The following DNAJC6 variants were observed in gnomAD, a reference collection of about 807,000 sequenced individuals.
DNAJC6 encodes auxilin.
DNAJC6 carries 34 observed loss-of-function variants against 110.0 expected under a neutral mutation model. The observed-to-expected ratio is 0.31, with a 90% CI of 0.24 to 0.41. The LOEUF (loss-of-function observed/expected upper bound fraction) is 0.41, where lower values mean the gene tolerates loss of function less well. DNAJC6 is among the 10% of genes least tolerant of loss of function. The pLI is 1.00. For missense variants in DNAJC6, 1,031 were observed against 1,207.8 expected (o/e 0.85, Z 2.17); for synonymous variants, 406 against 437.2 (o/e 0.93, Z 0.89).
chr1:65,341,080 G>A (rs931549094), intron 1 of DNAJC6, among the ~76,000 whole-genome samples: 4 of 152,080 alleles, frequency 2.6e-5, no homozygotes, highest in African/African-American at 9.7e-5. Context: ...CTACTAACTG[G>A]GACTGATAGC....
At chr1:65,407,221 ATTAC>A (rs1476889025) in intron 16 of DNAJC6, among the ~76,000 whole-genome samples, 2 of 152,122 alleles carry the variant, frequency 1.3e-5, no homozygotes, top group African/African-American at 4.8e-5. Flanking sequence ...CTACCCACCC[ATTAC>A]TTACTTAGTA....
chr1:65,405,151 G>A (rs1646063344), intron 15 of DNAJC6, among the ~76,000 whole-genome samples: 1 of 152,178 alleles, frequency 6.6e-6, no homozygotes, highest in Non-Finnish European at 1.5e-5. Flanking sequence ...GTGCTTAAAA[G>A]TTTGGAGATT....
chr1:65,317,095 G>A (rs993671482), intron 1 of DNAJC6, among the ~76,000 whole-genome samples: 1 of 151,884 alleles, frequency 6.6e-6, no homozygotes, highest in Non-Finnish European at 1.5e-5. Flanking sequence ...ATCATCTTTG[G>A]CCGTCTGCAG....
At chr1:65,298,278 G>A (rs960278560) in intron 1 of DNAJC6, among the ~76,000 whole-genome samples, 1 of 152,136 alleles carries the variant, frequency 6.6e-6, no homozygotes, top group Non-Finnish European at 1.5e-5. Flanking sequence ...ACTAGTACTT[G>A]AAAATGAGGC....
intron 1 of DNAJC6, among the ~76,000 whole-genome samples, chr1:65,280,170 A>G (rs1005908954): frequency 5.3e-5 from 8 of 152,200 alleles, no homozygotes; most frequent in African/African-American, 1.9e-4. Context: ...ATATACTCTT[A>G]AAAGGAAATT....
rs868449892 is a variant in DNAJC6 at position 65,358,181 on chromosome 1, A to G, written c.194-6454A>G. 8.0e-5 allele frequency among the ~76,000 whole-genome samples: 12 copies of G among 149,292 alleles called. No individual in the cohort carries two copies. The East Asian group carries it at 1.6e-3, about 19-fold the overall frequency. ...GCGATAGAGCGAGACTCAGTCTCAA[A>G]AAAAAAAAAAAAAAAAAAACAAAAC... On this transcript the variant is annotated intron_variant, in intron 1 of 18. Transcript: ENST00000371069.
upstream of DNAJC6, chr1:65,306,341 C>T (rs1435505433): frequency 6.6e-6 from 1 of 152,190 alleles, no homozygotes; most frequent in African/African-American, 2.4e-5. Flanking sequence ...GCCACCACAC[C>T]TGGCTGGCAA....
In DNAJC6 at chr1:65,412,940, A is replaced by C. The variant is rs368437431; in HGVS notation, c.2828A>C (p.Tyr943Ser). The C allele has an allele frequency of 2.5e-6, 4 of 1,614,058 alleles. No homozygotes were observed. The South Asian group carries it at 3.3e-5, about 13-fold the overall frequency. The change falls in exon 19 of 19, where the codon TAT (tyrosine) becomes TCT (serine). Residue 943 changes from tyrosine to serine, a missense_variant. Tyr to Ser is a moderately radical substitution (Grantham distance 144). Coordinates refer to ENST00000371069, the MANE Select transcript of DNAJC6 (RefSeq NM_001256864.2). ...VHPDKATGQP[Y>S]EQYAKMIFME... ...TCTCTACAGGCTACTGGGCAACCCT[A>C]TGAACAATACGCAAAGATGATTTTC...
intron 4 of DNAJC6, among the ~76,000 whole-genome samples, chr1:65,374,220 C>A: frequency 6.6e-6 from 1 of 152,022 alleles, no homozygotes; most frequent in African/African-American, 2.4e-5. Context: ...GATGTGATGC[C>A]TCTAACTTTG....
chr1:65,266,708 C>G (rs1435453017), intron 1 of DNAJC6, among the ~76,000 whole-genome samples: 2 of 151,874 alleles, frequency 1.3e-5, no homozygotes, highest in Non-Finnish European at 2.9e-5. Flanking sequence ...AAAAAAATTG[C>G]TTATTTGCCA....
intron 12 of DNAJC6, 108 bp downstream of exon 12, chr1:65,392,973 G>C (rs1645943717): frequency 9.2e-7 from 1 of 1,082,566 alleles, no homozygotes; most frequent in Non-Finnish European, 1.2e-6. Context: ...TGATTTCACT[G>C]TAAGTCCTTT....
intron 18 of DNAJC6, 86 bp from the exon 19 acceptor site, chr1:65,412,838 A>C: frequency 9.1e-7 from 1 of 1,099,460 alleles, no homozygotes; most frequent in Non-Finnish European, 1.4e-6. Context: ...TCCATTGCTT[A>C]GAGCCCATAT....
chr1:65,379,322 A>G, intron 4 of DNAJC6, 80 bp from the exon 5 acceptor site: 3 of 1,553,526 alleles, frequency 1.9e-6, no homozygotes, highest in Middle Eastern at 3.4e-4. Flanking sequence ...CACTTCCAGA[A>G]GATGTTGGTT....
chr1:65,372,725 T>C (rs531997078), intron 4 of DNAJC6, among the ~76,000 whole-genome samples: 5 of 152,246 alleles, frequency 3.3e-5, no homozygotes, highest in South Asian at 2.1e-4. Context: ...GATTTAACCA[T>C]GTTGTTCTAC....
intron 1 of DNAJC6, among the ~76,000 whole-genome samples, chr1:65,291,838 A>G (rs1185342437): frequency 6.6e-6 from 1 of 152,206 alleles, no homozygotes; most frequent in African/African-American, 2.4e-5. Context: ...ACTAGTGGAT[A>G]GTGGAGTGAG....
intron 1 of DNAJC6, among the ~76,000 whole-genome samples, chr1:65,282,655 T>C (rs1188176106): frequency 6.6e-6 from 1 of 152,210 alleles, no homozygotes; most frequent in Non-Finnish European, 1.5e-5. Flanking sequence ...GGATGGACTT[T>C]ATCTGCTGCA....
At chr1:65,286,698 T>A (rs1654030553) in intron 1 of DNAJC6, among the ~76,000 whole-genome samples, 1 of 152,192 alleles carries the variant, frequency 6.6e-6, no homozygotes, top group South Asian at 2.1e-4. Context: ...AAATTTAAAA[T>A]CTTAAGTATA....
chr1:65,266,278 G>GAA (rs5774747), intron 1 of DNAJC6, among the ~76,000 whole-genome samples: 143 of 149,492 alleles, frequency 9.6e-4, no homozygotes, highest in Middle Eastern at 6.8e-3. Context: ...GAAAAAGAAG[G>GAA]AAAAAAAAAC....
At chr1:65,326,003 GTTA>G (rs537281396) in intron 1 of DNAJC6, among the ~76,000 whole-genome samples, 1 of 152,238 alleles carries the variant, frequency 6.6e-6, no homozygotes, top group Non-Finnish European at 1.5e-5. Context: ...TTTTTCAGCT[GTTA>G]TTATCCTATG....
Sources: gnomAD v4.1 joint callset for allele counts (sites outside exome capture counted in the v4.1 genomes callset) on GRCh38, gnomAD v4.1.1 for gene constraint, MANE v1.5 for transcripts, NCBI Gene and HGNC (gene_info 2026-07-23, HGNC 2026-07-21) for gene names.